Variants in PAPOLG observed in about 807,000 individuals in gnomAD.
PAPOLG encodes the protein PAP-gamma.
Under a neutral mutation model 99.0 loss-of-function variants are expected in PAPOLG, and 40 were observed. That is an observed-to-expected ratio of 0.40 (90% CI 0.31 to 0.53). PAPOLG has a LOEUF of 0.53. PAPOLG is among the 20% of genes least tolerant of loss of function. The pLI is 0.41. For synonymous variants in PAPOLG, 310 were observed against 299.3 expected (o/e 1.04, Z -0.37); for missense variants, 675 against 884.1 (o/e 0.76, Z 3.00).
At position 60,756,495 on chromosome 2, in the gene PAPOLG, C is replaced by T; in HGVS notation, c.17C>T (p.Ala6Val). 6.4e-7 allele frequency: 1 copy of T among 1,553,164 alleles called. No individual in the cohort carries two copies. The highest frequency in any genetic ancestry group is 2.2e-4 in the Middle Eastern group (1 of 4,586). The change falls in exon 1 of 22, where the codon GCA (alanine) becomes GTA (valine). Residue 6 changes from alanine to valine, a missense_variant and splice_region_variant. Ala to Val is a moderately conservative substitution (Grantham distance 64). Around this residue, in one of 3 missense-constraint regions of PAPOLG, gnomAD observed 149 missense variants for 192.1 expected, o/e 0.78. Transcript: ENST00000238714. The stretch of plus-strand genomic sequence containing the variant: ...CAGGAAGCGATGAAAGAGATGTCTG[C>T]GTAAGTGGTGGGGGGCGGCGGTTGG... MKEMSANTVLDSQRQQ... is the reference protein window; with the variant it reads MKEMSVNTVLDSQRQQ...
In PAPOLG at chr2:60,799,791, A is replaced by G. The variant is rs1297514762; in HGVS notation, c.*2631A>G. ...AGGCACCCACCACCTCGCCCAGCTA[A>G]TTTTTGTATTTTTAGTACAGACAGC... On this transcript the variant is annotated 3_prime_UTR_variant, in exon 22 of 22. Transcript: ENST00000238714. The G allele has an allele frequency of 6.6e-6, 1 of 151,610 alleles. No individual in the cohort carries two copies. Among genetic ancestry groups the G allele is most frequent in the African/African-American group, 2.4e-5 (1 of 41,252 alleles). The allele number at this position is 151,610 out of a possible 1,614,324, so 9.4% of individuals were successfully genotyped here. A position where few individuals can be genotyped will look rare whatever the true frequency, so the allele number is the denominator to read the frequency against.
rs76461140 is a variant in PAPOLG at position 60,801,392 on chromosome 2, G to C, written c.*4232G>C. On this transcript the variant is annotated 3_prime_UTR_variant, in exon 22 of 22. Transcript: ENST00000238714. ...TGGAAGAAAACCAGTCTCAATAATG[G>C]TTTTTTTTTTCCAATTGCATAAGGT... 6.7e-6 allele frequency: 1 copy of C among 148,978 alleles called. No homozygotes were observed. Among genetic ancestry groups the C allele is most frequent in the African/African-American group, 2.5e-5 (1 of 40,510 alleles). 9.2% of individuals were successfully genotyped at this position (148,978 alleles called of 1,614,324 possible).
intron 3 of PAPOLG, among the ~76,000 whole-genome samples, chr2:60,763,108 T>C (rs1670571879): frequency 6.6e-6 from 1 of 151,558 alleles, no homozygotes; most frequent in Admixed American, 6.6e-5. Context: ...AGGATCTCCC[T>C]CTGTCACCCA....
chr2:60,785,690 A>ATT (rs774614184), intron 13 of PAPOLG, among the ~76,000 whole-genome samples: 18,558 of 136,368 alleles, frequency 0.14, 1,573 homozygotes, highest in Middle Eastern at 0.19. Context: ...TACCTGGCTG[A>ATT]TTTTTTTTTT....
At chr2:60,786,501 G>A (rs1056038389) in intron 13 of PAPOLG, among the ~76,000 whole-genome samples, 1 of 151,536 alleles carries the variant, frequency 6.6e-6, no homozygotes, top group African/African-American at 2.4e-5. Flanking sequence ...AAAGTGCTGG[G>A]ATTACAGGCA....
intron 3 of PAPOLG, among the ~76,000 whole-genome samples, chr2:60,765,151 C>T (rs1670635456): frequency 6.6e-6 from 1 of 151,920 alleles, no homozygotes. Flanking sequence ...TCACTACAGC[C>T]TCAAACTCCT....
At chr2:60,778,367 G>A (rs1291031318) in intron 8 of PAPOLG, among the ~76,000 whole-genome samples, 3 of 151,398 alleles carry the variant, frequency 2.0e-5, no homozygotes, top group African/African-American at 2.4e-5. Flanking sequence ...TAGCAGAGAC[G>A]AGGTGTTGCT....
chr2:60,766,379 A>G (rs138275708), intron 3 of PAPOLG, among the ~76,000 whole-genome samples: 145 of 152,312 alleles, frequency 9.5e-4, no homozygotes, highest in African/African-American at 3.4e-3. Context: ...ACCGATAGCC[A>G]GAAGCTGGAC....
intron 5 of PAPOLG, among the ~76,000 whole-genome samples, chr2:60,769,946 T>C (rs1201541294): frequency 8.1e-6 from 1 of 124,020 alleles, no homozygotes; most frequent in East Asian, 2.5e-4. Context: ...CAGGCCCCAA[T>C]GTGTGATGTT....
chr2:60,772,758 G>GA (rs751349773), intron 7 of PAPOLG, among the ~76,000 whole-genome samples: 5 of 151,890 alleles, frequency 3.3e-5, no homozygotes, highest in Admixed American at 6.6e-5. Flanking sequence ...AAAAAAGAAA[G>GA]AAAAAATCTG....
Position 60,786,939 on chromosome 2 carries a change from T to C in PAPOLG, c.1167-8T>C. The C allele has an allele frequency of 3.7e-6, 6 of 1,601,274 alleles. No homozygotes were observed. Among genetic ancestry groups the C allele is most frequent in the Non-Finnish European group, 5.1e-6 (6 of 1,176,172 alleles). On this transcript the variant is annotated splice_region_variant and splice_polypyrimidine_tract_variant and intron_variant, in intron 13 of 21. Transcript: ENST00000238714. ...CATAAGATAAATTGTGTTTGTTGTTTATTTTAGGGTTGGATTAGTAGAATC... is the reference window on the plus strand; with the variant it reads ...CATAAGATAAATTGTGTTTGTTGTTCATTTTAGGGTTGGATTAGTAGAATC...
At chr2:60,775,705 C>A (rs1202699353) in intron 8 of PAPOLG, among the ~76,000 whole-genome samples, 1 of 151,942 alleles carries the variant, frequency 6.6e-6, no homozygotes, top group African/African-American at 2.4e-5. Flanking sequence ...AAGCAAATTA[C>A]AATTTTTTTT....
At chr2:60,786,748 T>G (rs984465986) in intron 13 of PAPOLG, among the ~76,000 whole-genome samples, 199 bp from the exon 14 acceptor site, 14 of 152,200 alleles carry the variant, frequency 9.2e-5, no homozygotes, top group African/African-American at 3.4e-4. Context: ...CAAACTGGTC[T>G]TGAACTCCTG....
intron 13 of PAPOLG, 38 bp downstream of exon 13, chr2:60,783,247 G>C: frequency 7.5e-7 from 1 of 1,326,392 alleles, no homozygotes; most frequent in Non-Finnish European, 1.0e-6. Flanking sequence ...CTACTGTGTG[G>C]TGATAGTAAC....
At chr2:60,781,351 C>T (rs1053081602) in intron 10 of PAPOLG, among the ~76,000 whole-genome samples, 6 of 142,314 alleles carry the variant, frequency 4.2e-5, no homozygotes, top group South Asian at 4.3e-4. Context: ...GTTGAGACTT[C>T]GTCTCAAAAA....
At chr2:60,768,680 A>T in intron 4 of PAPOLG, 101 bp from the exon 5 acceptor site, 1 of 1,343,818 alleles carries the variant, frequency 7.4e-7, no homozygotes, top group East Asian at 2.4e-5. Flanking sequence ...ATTTTCTTGT[A>T]CTCAACTTCC....
At chr2:60,787,166 A>AT (rs1671388232) in intron 14 of PAPOLG, 100 bp downstream of exon 14, 1 of 1,032,180 alleles carries the variant, frequency 9.7e-7, no homozygotes, top group Non-Finnish European at 1.4e-6. Context: ...ACAGGCATTG[A>AT]TGGGAGTATG....
Position 60,761,765 on chromosome 2 carries a change from C to A in PAPOLG, c.204C>A (p.Asn68Lys), listed in dbSNP as rs750135148. The change falls in exon 3 of 22, where the codon AAC becomes AAA. Residue 68 changes from asparagine (N) to lysine (K), a missense_variant. This residue lies in a region of PAPOLG where 149 missense variants were observed against 192.1 expected (regional missense o/e 0.78). Transcript: ENST00000238714. ...NHRLVVLGKL[N>K]NLVKEWISDV... ...GGCTGGTGGTTCTTGGTAAATTGAACAATTTAGTAAAAGAATGGATTTCTG... is the reference window on the plus strand; with the variant it reads ...GGCTGGTGGTTCTTGGTAAATTGAAAAATTTAGTAAAAGAATGGATTTCTG... 3 of 1,603,878 alleles carry A rather than the reference C, an allele frequency of 1.9e-6. No homozygotes were observed. Among genetic ancestry groups the A allele is most frequent in the South Asian group, 1.1e-5 (1 of 90,760 alleles).
intron 8 of PAPOLG, among the ~76,000 whole-genome samples, chr2:60,778,826 G>A (rs544994379): frequency 4.6e-5 from 7 of 152,278 alleles, no homozygotes; most frequent in Admixed American, 4.6e-4. Flanking sequence ...GCCATGTTTT[G>A]TCAGTTAGAT....
Sources: gnomAD v4.1 joint callset for allele counts (sites outside exome capture counted in the v4.1 genomes callset) on GRCh38, gnomAD v4.1.1 for gene constraint, gnomAD v4.1.1 regional missense constraint, MANE v1.5 for transcripts, NCBI Gene and HGNC (gene_info 2026-07-23, HGNC 2026-07-21) for gene names.